Variants in PRIMPOL observed in about 807,000 individuals in gnomAD.
The protein encoded by PRIMPOL is primase and DNA directed polymerase.
PRIMPOL carries 54 observed loss-of-function variants against 63.6 expected under a neutral mutation model. That is an observed-to-expected ratio of 0.85 (90% CI 0.68 to 1.07). PRIMPOL has a LOEUF of 1.07. Ranked by LOEUF, PRIMPOL falls within the 50% of genes least tolerant of loss-of-function variation. The pLI is 0.00. For missense variants in PRIMPOL, 610 were observed against 648.3 expected, an observed-to-expected ratio of 0.94 and a Z score of 0.64; for synonymous variants, 197 against 220.2, an observed-to-expected ratio of 0.89 and a Z score of 0.93.
chr4:184,684,233 G>A (rs1016864849), intron 9 of PRIMPOL, among the ~76,000 whole-genome samples: 2 of 152,058 alleles, frequency 1.3e-5, no homozygotes, highest in South Asian at 2.1e-4. Flanking sequence ...CAAGGCAGGC[G>A]GATCATGAGG....
At chr4:184,680,494 A>T (rs905704581) in intron 8 of PRIMPOL, among the ~76,000 whole-genome samples, 1 of 152,162 alleles carries the variant, frequency 6.6e-6, no homozygotes, top group African/African-American at 2.4e-5. Context: ...GGCCACTTAA[A>T]TATAATTTTA....
At chr4:184,671,970 G>A (rs952575007) in intron 6 of PRIMPOL, among the ~76,000 whole-genome samples, 6 of 152,016 alleles carry the variant, frequency 3.9e-5, no homozygotes, top group Admixed American at 1.3e-4. Context: ...TCGATCTCCC[G>A]ACCTTGTGAT....
At chr4:184,688,575 C>T (rs1757607514) in intron 11 of PRIMPOL, among the ~76,000 whole-genome samples, 1 of 152,222 alleles carries the variant, frequency 6.6e-6, no homozygotes, top group African/African-American at 2.4e-5. Flanking sequence ...GCCCTTCCTG[C>T]TCTTTCTGAC....
At chr4:184,655,597 G>A (rs1387821901) in intron 2 of PRIMPOL, among the ~76,000 whole-genome samples, 1 of 152,108 alleles carries the variant, frequency 6.6e-6, no homozygotes, top group East Asian at 1.9e-4. Context: ...TGGGAATACA[G>A]GCAGGAGCCA....
chr4:184,659,555 G>T, intron 4 of PRIMPOL, 118 bp downstream of exon 4: 1 of 732,050 alleles, frequency 1.4e-6, no homozygotes, highest in Admixed American at 2.4e-5. Context: ...CACACTATTA[G>T]TTGCTCTTAG....
At position 184,694,656 on chromosome 4, in the gene PRIMPOL, T is replaced by C. The variant is rs1760116241; in HGVS notation, c.1560T>C (p.Ala520=). 5 of 1,614,200 alleles carry C rather than the reference T, an allele frequency of 3.1e-6. No individual in the cohort carries two copies. Among genetic ancestry groups the C allele is most frequent in the Middle Eastern group, 1.6e-4 (1 of 6,062 alleles). The change falls in exon 14 of 14, where the codon GCT becomes GCC. Residue 520 remains alanine (A), a synonymous_variant. Coordinates refer to ENST00000314970, the MANE Select transcript of PRIMPOL (RefSeq NM_152683.4). ...DAVWDNGIDD[A]YFLEATEDAE... Reference sequence around the variant, plus strand: ...TCTGGGATAATGGCATTGATGATGCTTATTTTTTAGAAGCTACTGAAGATG... The same window carrying C: ...TCTGGGATAATGGCATTGATGATGCCTATTTTTTAGAAGCTACTGAAGATG...
chr4:184,661,674 C>T (rs1311325163), intron 4 of PRIMPOL, 100 bp from the exon 5 acceptor site: 19 of 742,186 alleles, frequency 2.6e-5, no homozygotes, highest in Admixed American at 2.0e-4. Context: ...CCACTGCAGT[C>T]CAGCCTGGGC....
Position 184,652,542 on chromosome 4 carries a change from A to G in PRIMPOL, c.-60+442A>G, listed in dbSNP as rs28419140. 5.0e-3 allele frequency among the ~76,000 whole-genome samples: 761 copies of G among 152,320 alleles called. 8 individuals carry two copies. The highest frequency in any genetic ancestry group is 0.018 in the African/African-American group (741 of 41,568). On this transcript the variant is annotated intron_variant, in intron 2 of 13. Coordinates refer to ENST00000314970, the MANE Select transcript of PRIMPOL (RefSeq NM_152683.4). ...GAAGTGGGAGAAAAAAGGAAAATCC[A>G]GTCACTTATACTTAATTTCTTAAGG...
chr4:184,694,357 C>T, intron 13 of PRIMPOL, 165 bp from the exon 14 acceptor site: 2 of 1,403,026 alleles, frequency 1.4e-6, no homozygotes, highest in Non-Finnish European at 1.9e-6. Context: ...TGAATCAGTG[C>T]ACTCATTCCC....
At chr4:184,694,433 T>C (rs1760007456) in intron 13 of PRIMPOL, 89 bp from the exon 14 acceptor site, 4 of 1,487,650 alleles carry the variant, frequency 2.7e-6, no homozygotes. Context: ...CTTAATACCT[T>C]ACTTCAACAT....
At chr4:184,677,898 C>G (rs950730160) in intron 7 of PRIMPOL, among the ~76,000 whole-genome samples, 4 of 152,132 alleles carry the variant, frequency 2.6e-5, no homozygotes, top group Non-Finnish European at 4.4e-5. Flanking sequence ...TTTGGTCCTT[C>G]CCTTTTCTCT....
chr4:184,692,325 T>C (rs1173725804), intron 13 of PRIMPOL, among the ~76,000 whole-genome samples: 1 of 151,796 alleles, frequency 6.6e-6, no homozygotes, highest in East Asian at 1.9e-4. Flanking sequence ...AACACAAAAA[T>C]TAGCCAGGTG....
At chr4:184,688,919 A>C (rs192715042) in intron 11 of PRIMPOL, among the ~76,000 whole-genome samples, 1 of 152,206 alleles carries the variant, frequency 6.6e-6, no homozygotes, top group African/African-American at 2.4e-5. Flanking sequence ...ATGAATTTCA[A>C]ACAACTTGGT....
At chr4:184,671,978 G>C (rs1477045379) in intron 6 of PRIMPOL, among the ~76,000 whole-genome samples, 195 bp from the exon 7 acceptor site, 1 of 151,928 alleles carries the variant, frequency 6.6e-6, no homozygotes, top group Non-Finnish European at 1.5e-5. Flanking sequence ...CCGACCTTGT[G>C]ATCCGCCCGC....
chr4:184,653,407 C>T (rs1300573992), intron 2 of PRIMPOL, among the ~76,000 whole-genome samples: 9 of 152,186 alleles, frequency 5.9e-5, no homozygotes, highest in African/African-American at 2.2e-4. Flanking sequence ...AGCTTGACCC[C>T]CTTTGGTTGA....
chr4:184,679,155 A>C lies in PRIMPOL; in HGVS notation c.1007+761A>C, dbSNP rs1754926873. Among the ~76,000 whole-genome samples, 4 of 152,314 alleles carry C rather than the reference A, an allele frequency of 2.6e-5. No individual in the cohort carries two copies. The South Asian group carries it at 8.3e-4, about 32-fold the overall frequency. ...TTTGTTTTTTCTACTTGATTTTATG[A>C]ATATTTGTTAAGAATTTGCCAACAA... is the stretch of plus-strand genomic sequence containing the variant. On this transcript the variant is annotated intron_variant, in intron 8 of 13. Coordinates refer to ENST00000314970, the MANE Select transcript of PRIMPOL (RefSeq NM_152683.4).
chr4:184,657,346 C>CT, intron 3 of PRIMPOL, 26 bp downstream of exon 3: 11 of 1,490,260 alleles, frequency 7.4e-6, no homozygotes, highest in Non-Finnish European at 1.0e-5. Context: ...TCCTCTTCTT[C>CT]TTCCTCCTCT....
intron 2 of PRIMPOL, among the ~76,000 whole-genome samples, chr4:184,655,958 T>G (rs766173326): frequency 2.0e-5 from 3 of 152,168 alleles, no homozygotes; most frequent in Non-Finnish European, 4.4e-5. Context: ...CCAAATTTAT[T>G]TTTTTCTTAT....
rs981045334 is a variant in PRIMPOL at position 184,694,279 on chromosome 4, T to C, written c.1426-243T>C. On this transcript the variant is annotated intron_variant, in intron 13 of 13. Transcript: ENST00000314970. ...CCGTCGGGGAGTATTGAAAAGTATG[T>C]GCACAGAACTGTAGGTAATTTCAAA... The C allele has an allele frequency of 3.2e-6, 4 of 1,252,332 alleles. No homozygotes were observed. In the Admixed American group the frequency reaches 1.4e-4, roughly 45 times the overall value. 77.6% of individuals were successfully genotyped at this position (1,252,332 alleles called of 1,614,324 possible).
Sources: gnomAD v4.1 joint callset for allele counts (sites outside exome capture counted in the v4.1 genomes callset) on GRCh38, gnomAD v4.1.1 for gene constraint, MANE v1.5 for transcripts, NCBI Gene and HGNC (gene_info 2026-07-23, HGNC 2026-07-21) for gene names.